The following CCNI variants were observed in gnomAD, a reference collection of about 807,000 sequenced individuals.
The protein encoded by CCNI is cyclin I.
CCNI carries 14 observed loss-of-function variants against 34.1 expected under a neutral mutation model. The observed-to-expected ratio is 0.41, with a 90% CI of 0.27 to 0.64. The LOEUF (loss-of-function observed/expected upper bound fraction) is 0.64, where lower values mean the gene tolerates loss of function less well. CCNI is among the 30% of genes least tolerant of loss of function. The pLI, the probability that CCNI is intolerant of heterozygous loss-of-function variation, is 0.31. For missense variants in CCNI, 385 were observed against 440.5 expected (o/e 0.87, Z 1.13); for synonymous variants, 154 against 158.4 (o/e 0.97, Z 0.21).
intron 1 of CCNI, among the ~76,000 whole-genome samples, chr4:77,066,950 T>C (rs1224232686): frequency 6.6e-6 from 1 of 152,178 alleles, no homozygotes; most frequent in South Asian, 2.1e-4. Context: ...AATTTAAAAA[T>C]TGGCCAGGCA....
At position 77,066,138 on chromosome 4, in the gene CCNI, C is replaced by T. The variant is rs1346627186; in HGVS notation, c.114+111G>A. On this transcript the variant is annotated intron_variant, in intron 2 of 6. Coordinates refer to ENST00000237654, the MANE Select transcript of CCNI (RefSeq NM_006835.3). ...CAGGGAGAGTCTCTCAAATACAGCA[C>T]ATCCTTAAATGGTACACACTCCTCC... 7 of 847,226 alleles carry T rather than the reference C, an allele frequency of 8.3e-6. No homozygotes were observed. The East Asian group carries it at 1.8e-4, about 22-fold the overall frequency. 52.5% of individuals were successfully genotyped at this position (847,226 alleles called of 1,614,324 possible).
chr4:77,066,169 A>AGT, intron 2 of CCNI, 80 bp downstream of exon 2: 1 of 1,119,568 alleles, frequency 8.9e-7, no homozygotes, highest in Non-Finnish European at 1.3e-6. Context: ...CCTCCAATGT[A>AGT]GTGTCAAGAT....
intron 6 of CCNI, among the ~76,000 whole-genome samples, chr4:77,051,500 T>TAG (rs4252927): frequency 0.1 from 15,590 of 152,104 alleles, 1,912 homozygotes; most frequent in African/African-American, 0.3. Flanking sequence ...ATGATAGAGC[T>TAG]AAAAGACCTT....
chr4:77,056,465 C>A, intron 3 of CCNI, 142 bp from the exon 4 acceptor site: 1 of 627,284 alleles, frequency 1.6e-6, no homozygotes, highest in African/African-American at 1.8e-5. Context: ...GTGACTGCCA[C>A]TCATTACTTT....
rs4252839 is a variant in CCNI at position 77,063,651 on chromosome 4, G to C, written c.114+2598C>G. On this transcript the variant is annotated intron_variant, in intron 2 of 6. Transcript: ENST00000237654. ...CTTGCAGTGAGCCAAGATCGCGCCA[G>C]TGCACTCCAGCCTGGGCAGCAGAGC... 8.8e-3 allele frequency among the ~76,000 whole-genome samples: 1,330 copies of C among 150,354 alleles called. 19 individuals carry two copies. Among genetic ancestry groups the C allele is most frequent in the African/African-American group, 0.03 (1,244 of 40,904 alleles).
At position 77,075,649 on chromosome 4, in the gene CCNI, G is replaced by T. The variant is rs1223867568; in HGVS notation, c.-221C>A. 5.0e-6 allele frequency: 4 copies of T among 795,954 alleles called. No individual in the cohort carries two copies. Among genetic ancestry groups the T allele is most frequent in the Non-Finnish European group, 5.9e-6 (4 of 677,522 alleles). 49.3% of individuals were successfully genotyped at this position (795,954 alleles called of 1,614,324 possible). On this transcript the variant is annotated 5_prime_UTR_variant, in exon 1 of 7. Transcript: ENST00000237654. ...AAAGGGGAAGCGGATCGGGGGGCGC[G>T]GGCGCGGGCGCTGGCGCTCGAGCGG... is the stretch of plus-strand genomic sequence containing the variant.
Position 77,066,648 on chromosome 4 carries a change from ACT to A in CCNI, c.-43-245_-43-244del, listed in dbSNP as rs1363336708. ...GCCATGTAATTGATGGAACCTTTGG[ACT>A]CTGATCAAAACATGTTATTACTGTT... On this transcript the variant is annotated intron_variant, in intron 1 of 6. Coordinates refer to ENST00000237654, the MANE Select transcript of CCNI (RefSeq NM_006835.3). 3.9e-5 allele frequency among the ~76,000 whole-genome samples: 6 copies of A among 152,204 alleles called. No individual in the cohort carries two copies. The East Asian group carries it at 7.7e-4, about 19-fold the overall frequency.
Position 77,048,589 on chromosome 4 carries a change from G to A in CCNI, c.764C>T (p.Pro255Leu). The A allele has an allele frequency of 6.2e-7, 1 of 1,608,324 alleles. No homozygotes were observed. Among genetic ancestry groups the A allele is most frequent in the Non-Finnish European group, 8.5e-7 (1 of 1,176,524 alleles). ...HHLSTLQSSL[P>L]LNSVYVYRPL... ...ACGGTAGACATAAACGGAATTCAGAGGCAGGGAAGACTGCAGAGTAGAAAG... is the reference window on the plus strand; with the variant it reads ...ACGGTAGACATAAACGGAATTCAGAAGCAGGGAAGACTGCAGAGTAGAAAG... Residue 255 changes from proline (P) to leucine (L), a missense_variant, in exon 7 of 7, where the codon CCT becomes CTT. By Grantham distance (98) the Pro-to-Leu change is moderately conservative. Coordinates refer to ENST00000237654, the MANE Select transcript of CCNI (RefSeq NM_006835.3).
intron 1 of CCNI, among the ~76,000 whole-genome samples, chr4:77,071,278 G>A (rs1729447913): frequency 6.6e-6 from 1 of 152,188 alleles, no homozygotes; most frequent in African/African-American, 2.4e-5. Context: ...TCAAAGAAGA[G>A]TCACAGGGGA....
chr4:77,073,340 A>G (rs1476843756), intron 1 of CCNI, among the ~76,000 whole-genome samples: 1 of 152,232 alleles, frequency 6.6e-6, no homozygotes, highest in African/African-American at 2.4e-5. Context: ...AGATATACAT[A>G]CAGGGCCCCC....
intron 6 of CCNI, among the ~76,000 whole-genome samples, chr4:77,054,105 A>T (rs1728049248): frequency 7.1e-6 from 1 of 140,152 alleles, no homozygotes; most frequent in African/African-American, 3.2e-5. Context: ...ATACTTGTTT[A>T]AAAAAAAAAT....
intron 3 of CCNI, among the ~76,000 whole-genome samples, 154 bp downstream of exon 3, chr4:77,058,353 G>A (rs1238785140): frequency 6.6e-6 from 1 of 152,138 alleles, no homozygotes; most frequent in Non-Finnish European, 1.5e-5. Flanking sequence ...AACAATAGCA[G>A]AAGACATCAC....
At chr4:77,070,205 G>T (rs1729356088) in intron 1 of CCNI, among the ~76,000 whole-genome samples, 1 of 151,636 alleles carries the variant, frequency 6.6e-6, no homozygotes. Flanking sequence ...TTTAGTAGAG[G>T]CAGGTTTTAC....
chr4:77,064,255 AAAG>A (rs1479746906), intron 2 of CCNI, among the ~76,000 whole-genome samples: 9 of 137,206 alleles, frequency 6.6e-5, no homozygotes, highest in African/African-American at 2.6e-4. Context: ...CAAAAAAAAA[AAAG>A]AAATAGGTCA....
intron 2 of CCNI, chr4:77,066,020 G>A: frequency 2.5e-6 from 1 of 401,168 alleles, no homozygotes; most frequent in Non-Finnish European, 4.5e-6. Flanking sequence ...AGGATTGCTT[G>A]AGCCCGGGAG....
chr4:77,075,578 C>G lies in CCNI; in HGVS notation c.-150G>C, dbSNP rs953083126. On this transcript the variant is annotated 5_prime_UTR_variant, in exon 1 of 7. Coordinates refer to ENST00000237654, the MANE Select transcript of CCNI (RefSeq NM_006835.3). ...CGTTACCACCTCATTCTCATAGGCGCGCGGAGGCGGTGCGCGCGGGACGAC... is the reference window on the plus strand; with the variant it reads ...CGTTACCACCTCATTCTCATAGGCGGGCGGAGGCGGTGCGCGCGGGACGAC... 6 of 988,154 alleles carry G rather than the reference C, an allele frequency of 6.1e-6. No individual in the cohort carries two copies. The highest frequency in any genetic ancestry group is 4.8e-6 in the Non-Finnish European group (4 of 830,528). 61.2% of individuals were successfully genotyped at this position (988,154 alleles called of 1,614,324 possible).
chr4:77,072,574 C>T (rs761643639), intron 1 of CCNI, among the ~76,000 whole-genome samples: 1 of 145,656 alleles, frequency 6.9e-6, no homozygotes, highest in Non-Finnish European at 1.5e-5. Context: ...GAGCTTGAGG[C>T]TGCAGTCAGC....
At chr4:77,058,391 T>C (rs148408942) in intron 3 of CCNI, 116 bp downstream of exon 3, 1 of 690,180 alleles carries the variant, frequency 1.4e-6, no homozygotes, top group East Asian at 2.8e-5. Context: ...ACATACATCA[T>C]TCTCCAGCAA....
In CCNI at chr4:77,055,217, C is replaced by T; in HGVS notation, c.623G>A (p.Ser208Asn). Residue 208 changes from serine to asparagine, a missense_variant, in exon 6 of 7, where the codon AGT becomes AAT. Ser to Asn is a conservative substitution (Grantham distance 46). Transcript: ENST00000237654. ...AGGAATGAGTTTCTCCATTTCCAGA[C>T]TAACCATGGCCAGAGCAAGCATGGA... is the stretch of plus-strand genomic sequence containing the variant. The part of the protein sequence containing the change: ...RGSMLALAMV[S>N]LEMEKLIPDW... The T allele has an allele frequency of 6.2e-7, 1 of 1,614,174 alleles. No homozygotes were observed. Among genetic ancestry groups the T allele is most frequent in the Non-Finnish European group, 8.5e-7 (1 of 1,180,016 alleles).
Sources: gnomAD v4.1 joint callset for allele counts (sites outside exome capture counted in the v4.1 genomes callset) on GRCh38, gnomAD v4.1.1 for gene constraint, MANE v1.5 for transcripts, NCBI Gene and HGNC (gene_info 2026-07-23, HGNC 2026-07-21) for gene names.